Variants in SORCS2 observed in about 807,000 individuals in gnomAD.
The protein encoded by SORCS2 is sortilin related VPS10 domain containing receptor 2, also known as VPS10 domain-containing receptor SorCS2.
Under a neutral mutation model 141.6 loss-of-function variants are expected in SORCS2, and 100 were observed. The observed-to-expected ratio is 0.71, with a 90% CI of 0.60 to 0.83. The LOEUF (loss-of-function observed/expected upper bound fraction) is 0.83, where lower values mean the gene tolerates loss of function less well. Ranked by LOEUF, SORCS2 falls within the 40% of genes least tolerant of loss-of-function variation. The probability of loss-of-function intolerance (pLI) is 0.00; values close to 1 mark genes in which losing one functional copy is unlikely to be tolerated. For synonymous variants in SORCS2, 789 were observed against 676.9 expected (o/e 1.17, Z -2.57); for missense variants, 1,646 against 1,560.2 (o/e 1.05, Z -0.93).
chr4:7,266,137 C>A (rs1723373776), intron 1 of SORCS2, among the ~76,000 whole-genome samples: 1 of 152,160 alleles, frequency 6.6e-6, no homozygotes, highest in African/African-American at 2.4e-5. Flanking sequence ...GCTGAGGGAC[C>A]CTTTTCTGTC....
At chr4:7,441,572 A>G (rs73086351) in intron 2 of SORCS2, among the ~76,000 whole-genome samples, 11,835 of 151,846 alleles carry the variant, frequency 0.078, 1,187 homozygotes, top group African/African-American at 0.23. Context: ...TTGAGAAGCC[A>G]AGGAAGGGTA....
intron 14 of SORCS2, among the ~76,000 whole-genome samples, chr4:7,709,754 G>A (rs1381647796): frequency 6.6e-6 from 1 of 152,152 alleles, no homozygotes. Context: ...CTCTAACCTG[G>A]CCAGAGGCAA....
intron 3 of SORCS2, among the ~76,000 whole-genome samples, chr4:7,562,681 C>T (rs1714687955): frequency 6.6e-6 from 1 of 152,204 alleles, no homozygotes; most frequent in African/African-American, 2.4e-5. Context: ...CGTATTCTCA[C>T]ACTGCTCTGG....
intron 3 of SORCS2, among the ~76,000 whole-genome samples, chr4:7,593,913 A>G (rs538277753): frequency 1.3e-5 from 2 of 152,366 alleles, no homozygotes; most frequent in South Asian, 4.1e-4. Context: ...GTCATCAACC[A>G]AAGTGCTCTT....
intron 5 of SORCS2, among the ~76,000 whole-genome samples, 189 bp downstream of exon 5, chr4:7,654,396 G>A (rs996989965): frequency 6.6e-5 from 10 of 152,160 alleles, no homozygotes; most frequent in African/African-American, 1.2e-4. Flanking sequence ...AGGGGAACCC[G>A]CAGTCGTTCT....
chr4:7,537,215 C>A (rs1385531012), intron 3 of SORCS2, among the ~76,000 whole-genome samples: 1 of 152,220 alleles, frequency 6.6e-6, no homozygotes, highest in African/African-American at 2.4e-5. Flanking sequence ...CTCTCTGGGC[C>A]TCAGTTTCCC....
chr4:7,243,076 A>T (rs1712817637), intron 1 of SORCS2, among the ~76,000 whole-genome samples: 1 of 152,086 alleles, frequency 6.6e-6, no homozygotes, highest in African/African-American at 2.4e-5. Context: ...CGCCCTGGTG[A>T]GGTGCTGACC....
At chr4:7,358,631 TTTG>T (rs1251064042) in intron 1 of SORCS2, among the ~76,000 whole-genome samples, 1 of 152,218 alleles carries the variant, frequency 6.6e-6, no homozygotes, top group Non-Finnish European at 1.5e-5. Context: ...AGCGTTTCTA[TTTG>T]TTAAGTCACA....
intron 1 of SORCS2, among the ~76,000 whole-genome samples, chr4:7,394,401 G>T (rs989630119): frequency 4.2e-5 from 6 of 143,998 alleles, no homozygotes; most frequent in Non-Finnish European, 9.5e-5. Context: ...GGTCCGGCAG[G>T]GTTGGAGGGG....
At chr4:7,331,314 C>T (rs1210564206) in intron 1 of SORCS2, among the ~76,000 whole-genome samples, 2 of 152,148 alleles carry the variant, frequency 1.3e-5, no homozygotes, top group African/African-American at 2.4e-5. Context: ...CAGGTCTTCA[C>T]TCCTGGCAGG....
intron 2 of SORCS2, among the ~76,000 whole-genome samples, chr4:7,486,050 A>T (rs1730960641): frequency 6.6e-6 from 1 of 152,138 alleles, no homozygotes; most frequent in Admixed American, 6.5e-5. Flanking sequence ...AAGCCCACGG[A>T]TGTCACCCAC....
intron 1 of SORCS2, among the ~76,000 whole-genome samples, chr4:7,316,212 TTCCATCCA>T (rs376660766): frequency 8.6e-5 from 13 of 150,516 alleles, no homozygotes; most frequent in East Asian, 3.9e-4. Context: ...CTAGCTTTCC[TTCCATCCA>T]TCCATCCATC....
At chr4:7,218,605 C>T (rs1728514529) in intron 1 of SORCS2, among the ~76,000 whole-genome samples, 1 of 152,176 alleles carries the variant, frequency 6.6e-6, no homozygotes, top group African/African-American at 2.4e-5. Flanking sequence ...GGGATGGAAA[C>T]AGGACATTGG....
At chr4:7,716,146 C>T (rs990630926) in intron 17 of SORCS2, among the ~76,000 whole-genome samples, 4 of 152,238 alleles carry the variant, frequency 2.6e-5, no homozygotes, top group Admixed American at 6.5e-5. Flanking sequence ...CGTGCTCCGT[C>T]AGAAAGTCCC....
chr4:7,678,452 T>G (rs113597508), intron 9 of SORCS2, among the ~76,000 whole-genome samples: 102 of 128,440 alleles, frequency 7.9e-4, no homozygotes, highest in Middle Eastern at 6.6e-3. Flanking sequence ...CTGCCCGGGG[T>G]TCAGGTCCAT....
chr4:7,571,215 C>G (rs565587830), intron 3 of SORCS2, among the ~76,000 whole-genome samples: 1 of 152,330 alleles, frequency 6.6e-6, no homozygotes, highest in African/African-American at 2.4e-5. Flanking sequence ...CTGCGCATCG[C>G]CCCTGGGCCA....
At chr4:7,655,494 C>T (rs1034824038) in intron 5 of SORCS2, among the ~76,000 whole-genome samples, 8 of 152,252 alleles carry the variant, frequency 5.3e-5, no homozygotes, top group Non-Finnish European at 1.0e-4. Context: ...AAGGGCCCTT[C>T]GTAATGTCAC....
At chr4:7,624,102 A>G (rs1316817274) in intron 3 of SORCS2, among the ~76,000 whole-genome samples, 3 of 152,230 alleles carry the variant, frequency 2.0e-5, no homozygotes, top group Admixed American at 6.5e-5. Flanking sequence ...GAAGTGCTCA[A>G]TAAATGCTAT....
At chr4:7,464,938 C>T (rs1264871440) in intron 2 of SORCS2, among the ~76,000 whole-genome samples, 1 of 152,256 alleles carries the variant, frequency 6.6e-6, no homozygotes, top group Non-Finnish European at 1.5e-5. Flanking sequence ...AGCCCGGCCT[C>T]CACGGCGGCT....
Sources: allele counts gnomAD v4.1 joint callset (sites outside exome capture counted in the v4.1 genomes callset), GRCh38; gene constraint gnomAD v4.1.1; transcripts MANE v1.5; gene names NCBI Gene and HGNC (gene_info 2026-07-23, HGNC 2026-07-21).